ARHGAP31: variants seen among roughly 807,000 people sequenced by gnomAD.
ARHGAP31 encodes Rho GTPase activating protein 31.
In ARHGAP31, 34 loss-of-function variants were observed where a neutral mutation model predicts 113.9. The observed-to-expected ratio is 0.30, with a 90% CI of 0.23 to 0.40. ARHGAP31 has a LOEUF of 0.40. Ranked by LOEUF, ARHGAP31 falls within the 10% of genes least tolerant of loss-of-function variation. The pLI, the probability that ARHGAP31 is intolerant of heterozygous loss-of-function variation, is 1.00. For missense variants in ARHGAP31, 1,548 were observed against 1,767.1 expected (o/e 0.88, Z 2.22); for synonymous variants, 650 against 684.8 (o/e 0.95, Z 0.79).
At chr3:119,336,541 T>A (rs1054610338) in intron 1 of ARHGAP31, among the ~76,000 whole-genome samples, 1 of 152,200 alleles carries the variant, frequency 6.6e-6, no homozygotes, top group Non-Finnish European at 1.5e-5. Flanking sequence ...CACCAAGCAC[T>A]GATAATTCTA....
intron 11 of ARHGAP31, 128 bp downstream of exon 11, chr3:119,409,904 A>T: frequency 1.0e-6 from 1 of 973,840 alleles, no homozygotes; most frequent in Non-Finnish European, 1.5e-6. Flanking sequence ...AGGGACTTTA[A>T]GAGACAAACT....
intron 1 of ARHGAP31, among the ~76,000 whole-genome samples, chr3:119,307,939 G>GAAAAAAAAAAAAAAAAAAAA (rs1559961514): frequency 6.1e-4 from 1 of 1,646 alleles, no homozygotes; most frequent in Non-Finnish European, 1.3e-3. Context: ...TGAATTAACA[G>GAAAAAAAAAAAAAAAAAAAA]CAAAAAAAAA....
chr3:119,402,502 C>T (rs1039641671), intron 10 of ARHGAP31, 105 bp downstream of exon 10: 1 of 1,244,198 alleles, frequency 8.0e-7, no homozygotes, highest in African/African-American at 1.5e-5. Flanking sequence ...AGCCTGTGGG[C>T]TCTAGAGCCC....
rs201855122 is a variant in ARHGAP31, at chr3:119,399,250, T to C, written c.1058T>C (p.Val353Ala). ...AAAAGCATGGACTCACTATGTTCAG[T>C]GCCTGTGGAAGGTAAGATTTTACAA... The part of the protein sequence containing the change: ...PAKSMDSLCS[V>A]PVEGKETKGN... Residue 353 changes from valine to alanine, a missense_variant, in exon 9 of 12, where the codon GTG (valine) becomes GCG (alanine). Transcript: ENST00000264245. 1 of 1,613,452 alleles carries C rather than the reference T, an allele frequency of 6.2e-7. No individual in the cohort carries two copies. The highest frequency in any genetic ancestry group is 1.7e-5 in the Admixed American group (1 of 60,036).
At position 119,373,316 on chromosome 3, in the gene ARHGAP31, TA is replaced by T. The variant is rs1264499575; in HGVS notation, c.348+4807del. On this transcript the variant is annotated intron_variant, in intron 3 of 11. Coordinates refer to ENST00000264245, the MANE Select transcript of ARHGAP31 (RefSeq NM_020754.4). Reference sequence around the variant, plus strand: ...GCGAAGGACCTTGATAGATAATTCCTAAAAAAAGAAATTGAATTATTTAAAA... The same window carrying T: ...GCGAAGGACCTTGATAGATAATTCCTAAAAAAGAAATTGAATTATTTAAAA... Among the ~76,000 whole-genome samples, 3 of 152,140 alleles carry T rather than the reference TA, an allele frequency of 2.0e-5. No individual in the cohort carries two copies. The South Asian group carries it at 6.2e-4, about 32-fold the overall frequency.
rs1340274037 is a variant in ARHGAP31, at chr3:119,294,919, T to G, written c.15T>G (p.Gly5=). MKNK[G]AKQKLKRKGA... ...GGGACTAACTCATGAAGAACAAGGG[T>G]GCTAAGCAGAAGCTGAAACGAAAGG... Residue 5 remains glycine (G), a synonymous_variant, in exon 1 of 12, where the codon GGT becomes GGG. Transcript: ENST00000264245. 6.2e-7 allele frequency: 1 copy of G among 1,613,670 alleles called. No individual in the cohort carries two copies. Among genetic ancestry groups the G allele is most frequent in the Non-Finnish European group, 8.5e-7 (1 of 1,179,934 alleles).
Position 119,415,715 on chromosome 3 carries a change from A to C in ARHGAP31, c.3786A>C (p.Lys1262Asn), listed in dbSNP as rs1273910557. 2 of 1,613,974 alleles carry C rather than the reference A, an allele frequency of 1.2e-6. No individual in the cohort carries two copies. Among genetic ancestry groups the C allele is most frequent in the Non-Finnish European group, 1.7e-6 (2 of 1,179,970 alleles). Residue 1262 changes from lysine to asparagine, a missense_variant, in exon 12 of 12, where the codon AAA becomes AAC. Coordinates refer to ENST00000264245, the MANE Select transcript of ARHGAP31 (RefSeq NM_020754.4). ...PSSLESSKEE[K>N]PKQDPGAIKS... Reference sequence around the variant, plus strand: ...CCCTGGAAAGCTCAAAGGAAGAAAAACCAAAGCAAGATCCCGGAGCCATTA... The same window carrying C: ...CCCTGGAAAGCTCAAAGGAAGAAAACCCAAAGCAAGATCCCGGAGCCATTA...
At chr3:119,366,969 A>T (rs866265905) in intron 2 of ARHGAP31, among the ~76,000 whole-genome samples, 3 of 151,992 alleles carry the variant, frequency 2.0e-5, no homozygotes, top group Middle Eastern at 6.8e-3. Flanking sequence ...GGGTGTGGTG[A>T]TGGGTGCCTG....
At chr3:119,378,106 A>G (rs2107629123) in intron 3 of ARHGAP31, among the ~76,000 whole-genome samples, 1 of 152,310 alleles carries the variant, frequency 6.6e-6, no homozygotes, top group African/African-American at 2.4e-5. Flanking sequence ...ACAAATAGTC[A>G]CAGATTCATC....
At chr3:119,324,060 G>A (rs1158780160) in intron 1 of ARHGAP31, among the ~76,000 whole-genome samples, 1 of 152,052 alleles carries the variant, frequency 6.6e-6, no homozygotes, top group Non-Finnish European at 1.5e-5. Context: ...TGGGGCTCTT[G>A]CCATCCCTGC....
intron 1 of ARHGAP31, among the ~76,000 whole-genome samples, chr3:119,309,668 G>A (rs912644022): frequency 2.0e-5 from 3 of 152,126 alleles, no homozygotes; most frequent in Non-Finnish European, 2.9e-5. Context: ...GCTGAGGTGG[G>A]AGGATTGCTT....
In ARHGAP31 at chr3:119,393,425, G is replaced by C. The variant is rs746347383; in HGVS notation, c.882-42G>C. The C allele has an allele frequency of 7.4e-6, 12 of 1,612,508 alleles. No homozygotes were observed. The East Asian group carries it at 2.7e-4, about 36-fold the overall frequency. ...CTCAATTTAAAAGTCCCCTTGAAATGACAAGTTAACAAACTAACCCCTTAT... is the reference window on the plus strand; with the variant it reads ...CTCAATTTAAAAGTCCCCTTGAAATCACAAGTTAACAAACTAACCCCTTAT... On this transcript the variant is annotated intron_variant, in intron 7 of 11. Coordinates refer to ENST00000264245, the MANE Select transcript of ARHGAP31 (RefSeq NM_020754.4).
chr3:119,298,465 CAAGT>C (rs2079552281), intron 1 of ARHGAP31, among the ~76,000 whole-genome samples: 1 of 152,064 alleles, frequency 6.6e-6, no homozygotes, highest in African/African-American at 2.4e-5. Flanking sequence ...CTTCATATGC[CAAGT>C]GTTCTGGGTC....
At position 119,385,272 on chromosome 3, in the gene ARHGAP31, C is replaced by T. The variant is rs369863443; in HGVS notation, c.682+2046C>T. On this transcript the variant is annotated intron_variant, in intron 6 of 11. Coordinates refer to ENST00000264245, the MANE Select transcript of ARHGAP31 (RefSeq NM_020754.4). ...GCATATGTTTTCAAGGTTTACCAAT[C>T]TTGTTGTATATATCAGTACTTCATT... Among the ~76,000 whole-genome samples the T allele has an allele frequency of 7.2e-5, 11 of 151,918 alleles. No individual in the cohort carries two copies. The East Asian group carries it at 1.2e-3, about 16-fold the overall frequency.
At chr3:119,329,976 G>A in intron 1 of ARHGAP31, 1 of 985,472 alleles carries the variant, frequency 1.0e-6, no homozygotes, top group African/African-American at 1.7e-5. Context: ...ATGAGTCTGT[G>A]TCTATGCGGG....
At position 119,416,193 on chromosome 3, in the gene ARHGAP31, A is replaced by C; in HGVS notation, c.4264A>C (p.Thr1422Pro). 1 of 1,614,202 alleles carries C rather than the reference A, an allele frequency of 6.2e-7. No homozygotes were observed. The highest frequency in any genetic ancestry group is 1.6e-4 in the Middle Eastern group (1 of 6,062). ...PKNGQRLETS[T>P]SCFYQPQRRS... ...GAATGGCCAGAGACTAGAGACCTCA[A>C]CCAGCTGTTTTTACCAGCCTCAGCG... The change falls in exon 12 of 12, where the codon ACC becomes CCC. Residue 1422 changes from threonine to proline, a missense_variant. Transcript: ENST00000264245.
At chr3:119,296,128 G>A (rs1003021391) in intron 1 of ARHGAP31, among the ~76,000 whole-genome samples, 3 of 152,228 alleles carry the variant, frequency 2.0e-5, no homozygotes, top group African/African-American at 4.8e-5. Context: ...TATCGAATAT[G>A]CATTTCAAAA....
intron 7 of ARHGAP31, among the ~76,000 whole-genome samples, chr3:119,392,182 T>G (rs1356553792): frequency 6.6e-6 from 1 of 152,204 alleles, no homozygotes; most frequent in East Asian, 1.9e-4. Context: ...GTATGATGAC[T>G]CACACCTGTA....
At chr3:119,356,559 A>G (rs954001645) in intron 1 of ARHGAP31, among the ~76,000 whole-genome samples, 3 of 151,718 alleles carry the variant, frequency 2.0e-5, no homozygotes, top group Non-Finnish European at 2.9e-5. Context: ...TGAACCCAGG[A>G]GGCAGAGGTT....
Sources: allele counts gnomAD v4.1 joint callset (sites outside exome capture counted in the v4.1 genomes callset), GRCh38; gene constraint gnomAD v4.1.1; transcripts MANE v1.5; gene names NCBI Gene and HGNC (gene_info 2026-07-23, HGNC 2026-07-21).